Variants in DGKB observed in about 807,000 individuals in gnomAD.
DGKB encodes the protein diacylglycerol kinase beta.
Under a neutral mutation model 114.3 loss-of-function variants are expected in DGKB, and 67 were observed. That is an observed-to-expected ratio of 0.59 (90% CI 0.48 to 0.72). DGKB has a LOEUF of 0.72. Among genes scored for constraint, DGKB ranks in the 30% least tolerant of loss-of-function variants. The pLI, the probability that DGKB is intolerant of heterozygous loss-of-function variation, is 0.00. For synonymous variants in DGKB, 398 were observed against 323.1 expected (o/e 1.23, Z -2.49); for missense variants, 907 against 975.2 (o/e 0.93, Z 0.93).
At chr7:14,537,350 C>T (rs902948447) in intron 20 of DGKB, among the ~76,000 whole-genome samples, 5 of 151,986 alleles carry the variant, frequency 3.3e-5, no homozygotes, top group Non-Finnish European at 7.4e-5. Context: ...CAAAAGACCA[C>T]AAATAGCCAG....
At chr7:14,312,327 G>T (rs1805535243) in intron 23 of DGKB, among the ~76,000 whole-genome samples, 1 of 152,202 alleles carries the variant, frequency 6.6e-6, no homozygotes, top group Admixed American at 6.5e-5. Flanking sequence ...AGAGATTAAT[G>T]AGGTCAAAAT....
At chr7:14,935,513 T>G (rs1257729062) in intron 1 of DGKB, among the ~76,000 whole-genome samples, 1 of 152,200 alleles carries the variant, frequency 6.6e-6, no homozygotes. Flanking sequence ...TTAGTTATTT[T>G]CAGTCAGGTC....
At chr7:14,298,023 G>A (rs570236055) in intron 23 of DGKB, among the ~76,000 whole-genome samples, 3 of 152,108 alleles carry the variant, frequency 2.0e-5, no homozygotes, top group African/African-American at 2.4e-5. Flanking sequence ...TCTTCAAGGA[G>A]AACTGCAAAC....
chr7:14,225,624 T>C lies in DGKB; in HGVS notation c.2123-47473A>G, dbSNP rs80339385. Among the ~76,000 whole-genome samples the C allele has an allele frequency of 0.022, 3,349 of 152,138 alleles. 244 individuals carry two copies. The East Asian group carries it at 0.24, about 11-fold the overall frequency. On this transcript the variant is annotated intron_variant, in intron 23 of 25. Coordinates refer to ENST00000402815, the MANE Select transcript of DGKB (RefSeq NM_001350709.2). ...GCCACATAAGCAAATAATTCTTATATATAGATATTAACAAGAGTGATCGGA... is the reference window on the plus strand; with the variant it reads ...GCCACATAAGCAAATAATTCTTATACATAGATATTAACAAGAGTGATCGGA...
At chr7:14,970,607 G>A (rs9648194) in intron 1 of DGKB, among the ~76,000 whole-genome samples, 43,249 of 151,954 alleles carry the variant, frequency 0.28, 8,245 homozygotes, top group East Asian at 0.57. Context: ...CATATCCTCA[G>A]AATGCTCCCG....
intron 20 of DGKB, among the ~76,000 whole-genome samples, chr7:14,569,131 G>A (rs149096366): frequency 2.0e-5 from 3 of 152,164 alleles, no homozygotes; most frequent in Admixed American, 2.0e-4. Flanking sequence ...TGACTTTGTT[G>A]AATGACATTC....
At chr7:14,412,122 A>G (rs1039187680) in intron 21 of DGKB, among the ~76,000 whole-genome samples, 1 of 152,304 alleles carries the variant, frequency 6.6e-6, no homozygotes, top group Non-Finnish European at 1.5e-5. Context: ...GTGATTGTGT[A>G]TGTGTATGCA....
At chr7:14,668,342 A>G (rs1563851909) in intron 13 of DGKB, among the ~76,000 whole-genome samples, 1 of 152,196 alleles carries the variant, frequency 6.6e-6, no homozygotes, top group East Asian at 1.9e-4. Flanking sequence ...CTAGTTTGGG[A>G]AAGTTGGGGT....
chr7:14,750,825 G>C (rs1275809763), intron 4 of DGKB, among the ~76,000 whole-genome samples: 8 of 95,996 alleles, frequency 8.3e-5, no homozygotes, highest in South Asian at 3.7e-4. Context: ...TTCTGAGACA[G>C]AGTCTCACTC....
intron 1 of DGKB, among the ~76,000 whole-genome samples, chr7:14,962,494 A>T (rs1786905185): frequency 6.6e-6 from 1 of 152,148 alleles, no homozygotes; most frequent in Admixed American, 6.6e-5. Flanking sequence ...GACGCTTTTC[A>T]TCATGATCCT....
At chr7:14,282,848 T>C (rs141089679) in intron 23 of DGKB, among the ~76,000 whole-genome samples, 10,121 of 152,128 alleles carry the variant, frequency 0.067, 1,095 homozygotes, top group African/African-American at 0.23. Flanking sequence ...AATTAGGTAT[T>C]GATGGGACAT....
chr7:14,824,142 C>A (rs1284071458), intron 2 of DGKB, among the ~76,000 whole-genome samples: 2 of 152,030 alleles, frequency 1.3e-5, no homozygotes, highest in African/African-American at 2.4e-5. Context: ...AAGACCCACC[C>A]CCCATGATTC....
At chr7:14,274,204 C>A (rs984897283) in intron 23 of DGKB, among the ~76,000 whole-genome samples, 2 of 152,196 alleles carry the variant, frequency 1.3e-5, no homozygotes, top group African/African-American at 4.8e-5. Context: ...GCCCCATGAT[C>A]CACATGTTCC....
chr7:14,831,014 T>C (rs1846343493), intron 2 of DGKB, among the ~76,000 whole-genome samples: 1 of 151,952 alleles, frequency 6.6e-6, no homozygotes, highest in South Asian at 2.1e-4. Context: ...CTATTTTTCA[T>C]GGCTAGGTTC....
At chr7:14,463,313 A>C (rs1011944368) in intron 21 of DGKB, among the ~76,000 whole-genome samples, 1 of 152,120 alleles carries the variant, frequency 6.6e-6, no homozygotes, top group African/African-American at 2.4e-5. Flanking sequence ...CGATGGGTGC[A>C]GCAAACTACC....
At chr7:14,410,582 G>A (rs568088328) in intron 21 of DGKB, among the ~76,000 whole-genome samples, 1 of 152,038 alleles carries the variant, frequency 6.6e-6, no homozygotes, top group East Asian at 1.9e-4. Flanking sequence ...TATGACAAAA[G>A]GTATGACTGA....
intron 23 of DGKB, among the ~76,000 whole-genome samples, chr7:14,230,799 T>A (rs1252203980): frequency 6.6e-6 from 1 of 152,078 alleles, no homozygotes; most frequent in Non-Finnish European, 1.5e-5. Context: ...TTATACACAT[T>A]ACTACCTCTG....
At chr7:14,200,281 A>G (rs1584410611) in intron 23 of DGKB, among the ~76,000 whole-genome samples, 1 of 152,046 alleles carries the variant, frequency 6.6e-6, no homozygotes, top group Non-Finnish European at 1.5e-5. Context: ...AGAATCAAAA[A>G]ATTACATGGT....
At chr7:14,802,228 C>T (rs2128052583) in intron 2 of DGKB, among the ~76,000 whole-genome samples, 1 of 152,164 alleles carries the variant, frequency 6.6e-6, no homozygotes, top group South Asian at 2.1e-4. Context: ...CCAATTATTG[C>T]CACCACTAAT....
Sources: allele counts gnomAD v4.1 joint callset (sites outside exome capture counted in the v4.1 genomes callset), GRCh38; gene constraint gnomAD v4.1.1; transcripts MANE v1.5; gene names NCBI Gene and HGNC (gene_info 2026-07-23, HGNC 2026-07-21).